The following AKAP13 variants were observed in gnomAD, a reference collection of about 807,000 sequenced individuals.
AKAP13 encodes the protein A-kinase anchoring protein 13.
AKAP13 carries 80 observed loss-of-function variants against 264.5 expected under a neutral mutation model. That is an observed-to-expected ratio of 0.30 (90% CI 0.25 to 0.36). The LOEUF (loss-of-function observed/expected upper bound fraction) is 0.36, where lower values mean the gene tolerates loss of function less well. Among genes scored for constraint, AKAP13 ranks in the 10% least tolerant of loss-of-function variants. The pLI, the probability that AKAP13 is intolerant of heterozygous loss-of-function variation, is 1.00. For missense variants in AKAP13, 3,712 were observed against 3,435.2 expected, an observed-to-expected ratio of 1.08 and a Z score of -2.01; for synonymous variants, 1,380 against 1,250.2, an observed-to-expected ratio of 1.10 and a Z score of -2.19.
At chr15:85,415,728 T>C (rs76118303) in intron 1 of AKAP13, 1 of 690,968 alleles carries the variant, frequency 1.4e-6, no homozygotes, top group Non-Finnish European at 2.4e-6. Context: ...TTTTTTTTTT[T>C]TTCATTACTG....
chr15:85,633,638 G>A (rs2081956079), intron 8 of AKAP13, among the ~76,000 whole-genome samples: 1 of 149,758 alleles, frequency 6.7e-6, no homozygotes, highest in Admixed American at 6.7e-5. Flanking sequence ...GAGCCTCCCG[G>A]GTTCACGCCA....
At chr15:85,571,881 G>A (rs778917227) in intron 5 of AKAP13, among the ~76,000 whole-genome samples, 14 of 152,188 alleles carry the variant, frequency 9.2e-5, no homozygotes, top group Non-Finnish European at 1.6e-4. Flanking sequence ...CTGATCTTTA[G>A]TATCTAGAGG....
At chr15:85,739,116 C>T (rs1186228725) in intron 33 of AKAP13, among the ~76,000 whole-genome samples, 2 of 152,138 alleles carry the variant, frequency 1.3e-5, no homozygotes, top group African/African-American at 2.4e-5. Context: ...CGTTTTTCTA[C>T]GTTTTGCTTT....
chr15:85,743,612 G>C lies in AKAP13; in HGVS notation c.8179G>C (p.Val2727Leu). The change falls in exon 36 of 37, where the codon GTG becomes CTG. Residue 2727 changes from valine to leucine, a missense_variant. Coordinates refer to ENST00000394518, the MANE Select transcript of AKAP13 (RefSeq NM_007200.5). ...AGGGTCATTGGACTCAGAACTTTCAGTGTCCCCAAAAAGGAACAGCATCTC... is the reference window on the plus strand; with the variant it reads ...AGGGTCATTGGACTCAGAACTTTCACTGTCCCCAAAAAGGAACAGCATCTC... ...KSGSLDSELSVSPKRNSISRT... is the reference protein window; with the variant it reads ...KSGSLDSELSLSPKRNSISRT... 1 of 1,614,070 alleles carries C rather than the reference G, an allele frequency of 6.2e-7. No homozygotes were observed. Among genetic ancestry groups the C allele is most frequent in the Non-Finnish European group, 8.5e-7 (1 of 1,180,014 alleles).
At chr15:85,635,879 A>G (rs1268408921) in intron 8 of AKAP13, among the ~76,000 whole-genome samples, 3 of 152,194 alleles carry the variant, frequency 2.0e-5, no homozygotes, top group Non-Finnish European at 1.5e-5. Context: ...TCAATGGGCC[A>G]TATCTGTGAA....
rs1423311959 is a variant in AKAP13 at position 85,677,079 on chromosome 15, TGAG to T, written c.5102-5069_5102-5067del. 8.1e-6 allele frequency: 8 copies of T among 985,288 alleles called. No homozygotes were observed. The South Asian group carries it at 1.4e-4, about 17-fold the overall frequency. 61.0% of individuals were successfully genotyped at this position (985,288 alleles called of 1,614,324 possible). Reference sequence around the variant, plus strand: ...CTCTTGGCTCTTCTTATTCGAGTGATGAGGAGGAGGAGTTGCATAGTAAGTAAG... The same window carrying T: ...CTCTTGGCTCTTCTTATTCGAGTGATGAGGAGGAGTTGCATAGTAAGTAAG... On this transcript the variant is annotated intron_variant, in intron 14 of 36. Transcript: ENST00000394518.
At chr15:85,723,467 C>A in intron 26 of AKAP13, 147 bp downstream of exon 26, 3 of 1,156,518 alleles carry the variant, frequency 2.6e-6, no homozygotes, top group Non-Finnish European at 3.6e-6. Context: ...TTTAGTTCTT[C>A]GTAATCTTAT....
intron 3 of AKAP13, among the ~76,000 whole-genome samples, chr15:85,524,818 A>AGT (rs991129370): frequency 4.6e-5 from 7 of 150,648 alleles, no homozygotes; most frequent in South Asian, 2.1e-4. Flanking sequence ...CCTACAATGA[A>AGT]GTGTGTGTGT....
intron 8 of AKAP13, among the ~76,000 whole-genome samples, chr15:85,586,787 G>GC (rs2079374361): frequency 1.3e-5 from 2 of 151,978 alleles, no homozygotes; most frequent in South Asian, 4.1e-4. Flanking sequence ...AATTAGCCGG[G>GC]CGTGGTGGCA....
intron 4 of AKAP13, chr15:85,534,561 A>G (rs978886180): frequency 6.6e-6 from 1 of 151,926 alleles, no homozygotes; most frequent in African/African-American, 2.4e-5. Flanking sequence ...CAGCCTCCCA[A>G]ATAGCTGGGA....
chr15:85,409,485 CT>C, intron 1 of AKAP13, among the ~76,000 whole-genome samples: 1 of 151,124 alleles, frequency 6.6e-6, no homozygotes, highest in South Asian at 2.1e-4. Flanking sequence ...GTCCATTACC[CT>C]TTTTTTAAAT....
At chr15:85,614,588 G>A (rs1191665510) in intron 8 of AKAP13, among the ~76,000 whole-genome samples, 2 of 152,062 alleles carry the variant, frequency 1.3e-5, no homozygotes, top group Non-Finnish European at 2.9e-5. Flanking sequence ...ATCAAATGTA[G>A]GGATATTGAT....
At chr15:85,586,785 G>A (rs1225291475) in intron 8 of AKAP13, among the ~76,000 whole-genome samples, 3 of 151,886 alleles carry the variant, frequency 2.0e-5, no homozygotes, top group East Asian at 1.9e-4. Context: ...AAAATTAGCC[G>A]GGCGTGGTGG....
intron 1 of AKAP13, among the ~76,000 whole-genome samples, chr15:85,459,079 A>ATC (rs1463204646): frequency 6.6e-6 from 1 of 152,214 alleles, no homozygotes; most frequent in Non-Finnish European, 1.5e-5. Flanking sequence ...AGATCCCTAT[A>ATC]TCCATCTTTC....
At chr15:85,474,042 G>A (rs1264310515) in intron 1 of AKAP13, among the ~76,000 whole-genome samples, 3 of 152,228 alleles carry the variant, frequency 2.0e-5, no homozygotes, top group African/African-American at 7.2e-5. Flanking sequence ...TAGTTTGAAA[G>A]TTTAAAGTCT....
chr15:85,711,461 G>A (rs1335908092), intron 19 of AKAP13, among the ~76,000 whole-genome samples: 3 of 151,614 alleles, frequency 2.0e-5, no homozygotes, highest in Non-Finnish European at 4.4e-5. Context: ...GTATTATTTT[G>A]TGTGAATTTA....
At chr15:85,723,659 T>A (rs1412585456) in intron 26 of AKAP13, among the ~76,000 whole-genome samples, 2 of 152,004 alleles carry the variant, frequency 1.3e-5, no homozygotes, top group East Asian at 1.9e-4. Context: ...GACAGCCAGG[T>A]TGGAATTGGG....
At chr15:85,452,040 G>A (rs181341999) in intron 1 of AKAP13, among the ~76,000 whole-genome samples, 6 of 151,818 alleles carry the variant, frequency 4.0e-5, no homozygotes, top group Non-Finnish European at 4.4e-5. Context: ...ATAATTTCTC[G>A]GAGGTTTTGT....
intron 1 of AKAP13, among the ~76,000 whole-genome samples, chr15:85,396,714 C>T (rs2071130054): frequency 6.6e-6 from 1 of 152,114 alleles, no homozygotes; most frequent in South Asian, 2.1e-4. Flanking sequence ...ACAACTTTAA[C>T]TCAAAGCAAA....
Sources: gnomAD v4.1 joint callset for allele counts (sites outside exome capture counted in the v4.1 genomes callset) on GRCh38, gnomAD v4.1.1 for gene constraint, MANE v1.5 for transcripts, NCBI Gene and HGNC (gene_info 2026-07-23, HGNC 2026-07-21) for gene names.